RIN2: variants seen among roughly 807,000 people sequenced by gnomAD.
The protein encoded by RIN2 is RAB5 interacting protein 2.
A neutral mutation model predicts 78.0 loss-of-function variants in RIN2; 36 were observed. The ratio of observed to expected loss-of-function variants is 0.46; its 90% CI spans 0.35 to 0.61. The LOEUF is 0.61. Among genes scored for constraint, RIN2 ranks in the 20% least tolerant of loss-of-function variants. The pLI, the probability that RIN2 is intolerant of heterozygous loss-of-function variation, is 0.00. For missense variants in RIN2, 1,087 were observed against 1,159.7 expected (o/e 0.94, Z 0.91); for synonymous variants, 466 against 466.8 (o/e 1.00, Z 0.02).
At chr20:19,887,898 T>C (rs1442373213) in intron 2 of RIN2, among the ~76,000 whole-genome samples, 2 of 152,202 alleles carry the variant, frequency 1.3e-5, no homozygotes, top group East Asian at 3.9e-4. Flanking sequence ...ATTTGTGTGC[T>C]TCTGGGTCTA....
chr20:19,855,011 G>C (rs1177770258), intron 2 of RIN2, among the ~76,000 whole-genome samples: 1 of 152,158 alleles, frequency 6.6e-6, no homozygotes, highest in South Asian at 2.1e-4. Flanking sequence ...GATATTGGCT[G>C]TGGGTTTGTC....
chr20:19,758,933 G>A (rs1247148408), intron 1 of RIN2, among the ~76,000 whole-genome samples: 1 of 152,238 alleles, frequency 6.6e-6, no homozygotes, highest in East Asian at 1.9e-4. Context: ...CGGGCAGGGG[G>A]CACTTGGGCT....
intron 3 of RIN2, among the ~76,000 whole-genome samples, chr20:19,904,240 A>AATAT (rs1194516982): frequency 5.0e-4 from 46 of 91,706 alleles, no homozygotes; most frequent in Admixed American, 4.1e-3. Context: ...TCAAAAAAAA[A>AATAT]ATATATATAT....
At chr20:19,972,133 T>G (rs2042127561) in intron 8 of RIN2, among the ~76,000 whole-genome samples, 1 of 152,156 alleles carries the variant, frequency 6.6e-6, no homozygotes, top group African/African-American at 2.4e-5. Context: ...GGAAAGAGAA[T>G]ACTGGTAAAA....
In RIN2 at chr20:19,960,594, T is replaced by C. The variant is rs550733523; in HGVS notation, c.352-106T>C. The C allele has an allele frequency of 1.2e-5, 10 of 834,490 alleles. No individual in the cohort carries two copies. In the African/African-American group the frequency reaches 1.7e-4, roughly 14 times the overall value. 51.7% of individuals were successfully genotyped at this position (834,490 alleles called of 1,614,324 possible). ...GAGTTTCCTGCAGGGAGCCATGCAG[T>C]GTGGATATGAAGGGATTCTATTCAT... On this transcript the variant is annotated intron_variant, in intron 5 of 12. Coordinates refer to ENST00000255006, the MANE Select transcript of RIN2 (RefSeq NM_018993.4).
Position 19,956,206 on chromosome 20 carries a change from C to T in RIN2, c.159-409C>T, listed in dbSNP as rs928183971. Among the ~76,000 whole-genome samples the T allele has an allele frequency of 5.0e-4, 74 of 146,704 alleles. 1 individual carries two copies. Among genetic ancestry groups the T allele is most frequent in the Non-Finnish European group, 1.5e-4 (10 of 67,294 alleles). ...CCAGGAGACGGAGGTTGCAGTGAGCCCAGATCGCGCCACTGCACTCCAGCC... is the reference window on the plus strand; with the variant it reads ...CCAGGAGACGGAGGTTGCAGTGAGCTCAGATCGCGCCACTGCACTCCAGCC... On this transcript the variant is annotated intron_variant, in intron 4 of 12. Coordinates refer to ENST00000255006, the MANE Select transcript of RIN2 (RefSeq NM_018993.4).
At chr20:19,817,753 C>T (rs576935386) in intron 2 of RIN2, among the ~76,000 whole-genome samples, 1 of 152,154 alleles carries the variant, frequency 6.6e-6, no homozygotes, top group Admixed American at 6.5e-5. Flanking sequence ...GGTTCAATAA[C>T]TTGTCTAGGG....
chr20:19,894,894 C>T (rs1213086309), intron 3 of RIN2, among the ~76,000 whole-genome samples: 4 of 152,148 alleles, frequency 2.6e-5, no homozygotes, highest in African/African-American at 2.4e-5. Flanking sequence ...TTGCTGGGCA[C>T]AGGACCAAGT....
chr20:19,908,815 G>T (rs1055241339), intron 3 of RIN2, among the ~76,000 whole-genome samples: 1 of 152,214 alleles, frequency 6.6e-6, no homozygotes, highest in Non-Finnish European at 1.5e-5. Flanking sequence ...GCTGGGCTTA[G>T]GGGTGGGCAA....
chr20:19,937,215 G>A (rs562445948), intron 4 of RIN2, among the ~76,000 whole-genome samples: 67 of 152,334 alleles, frequency 4.4e-4, no homozygotes, highest in African/African-American at 1.4e-3. Context: ...CTAAGATCAA[G>A]GAAAAGCATA....
At chr20:19,802,044 G>C (rs747147790) in intron 2 of RIN2, among the ~76,000 whole-genome samples, 2 of 152,130 alleles carry the variant, frequency 1.3e-5, no homozygotes, top group East Asian at 3.8e-4. Context: ...TAGGTTATCC[G>C]AGCAAAAAAT....
chr20:19,794,170 G>GA (rs2034976972), intron 1 of RIN2, among the ~76,000 whole-genome samples: 1 of 152,062 alleles, frequency 6.6e-6, no homozygotes. Flanking sequence ...GAATAGAAAA[G>GA]AAAAGAAAGG....
intron 2 of RIN2, among the ~76,000 whole-genome samples, chr20:19,806,386 T>C (rs1056890660): frequency 6.6e-6 from 1 of 152,244 alleles, no homozygotes; most frequent in Non-Finnish European, 1.5e-5. Context: ...GCATCTGTTG[T>C]TTCCTGACTT....
chr20:19,929,150 G>T (rs906445885), intron 3 of RIN2, among the ~76,000 whole-genome samples: 1 of 152,152 alleles, frequency 6.6e-6, no homozygotes, highest in Non-Finnish European at 1.5e-5. Flanking sequence ...CACTTTCCCA[G>T]GTGTCCACAG....
chr20:19,978,348 T>C (rs1195082203), intron 9 of RIN2, among the ~76,000 whole-genome samples: 1 of 152,200 alleles, frequency 6.6e-6, no homozygotes, highest in Non-Finnish European at 1.5e-5. Flanking sequence ...AAAATGACCC[T>C]GTGAATGCAT....
chr20:19,929,226 C>T (rs1164510054), intron 3 of RIN2, among the ~76,000 whole-genome samples: 1 of 152,216 alleles, frequency 6.6e-6, no homozygotes, highest in African/African-American at 2.4e-5. Context: ...AGCCCCTCCC[C>T]ATGCTTGCAG....
intron 4 of RIN2, among the ~76,000 whole-genome samples, chr20:19,942,152 T>C (rs538986391): frequency 3.3e-5 from 5 of 151,420 alleles, no homozygotes; most frequent in African/African-American, 1.2e-4. Flanking sequence ...CAGTGGATCA[T>C]ATTTACCAAA....
intron 2 of RIN2, among the ~76,000 whole-genome samples, chr20:19,859,082 A>G (rs2037252698): frequency 6.6e-6 from 1 of 152,218 alleles, no homozygotes. Flanking sequence ...CAGGGAGAAA[A>G]TACTTCCATG....
At position 19,975,697 on chromosome 20, in the gene RIN2, C is replaced by T; in HGVS notation, c.1672C>T (p.Arg558Trp). 6.2e-7 allele frequency: 1 copy of T among 1,613,598 alleles called. No individual in the cohort carries two copies. Among genetic ancestry groups the T allele is most frequent in the Non-Finnish European group, 8.5e-7 (1 of 1,179,882 alleles). ...VSSTDMLQTI[R>W]QFMTQVKNYL... ...CAGCACCGACATGCTGCAGACCATC[C>T]GGCAGTTCATGACCCAGGTCAAGAA... Residue 558 changes from arginine to tryptophan, a missense_variant, in exon 9 of 13, where the codon CGG (arginine) becomes TGG (tryptophan). Around this residue, in one of 8 missense-constraint regions of RIN2, gnomAD observed 5 missense variants for 22.8 expected, o/e 0.22. Coordinates refer to ENST00000255006, the MANE Select transcript of RIN2 (RefSeq NM_018993.4). This position sits in a 1 kb window ranked among gnomAD's most constrained non-coding sequence, Gnocchi z 4.9.
Sources: allele counts gnomAD v4.1 joint callset (sites outside exome capture counted in the v4.1 genomes callset), GRCh38; gene constraint gnomAD v4.1.1; regional missense constraint gnomAD v4.1.1; non-coding constraint Gnocchi (gnomAD v3.1); transcripts MANE v1.5; gene names NCBI Gene and HGNC (gene_info 2026-07-23, HGNC 2026-07-21).